CACHD1: variants seen among roughly 807,000 people sequenced by gnomAD.
CACHD1 encodes the protein VWFA and cache domain-containing protein 1.
CACHD1 carries 71 observed loss-of-function variants against 138.7 expected under a neutral mutation model. That is an observed-to-expected ratio of 0.51 (90% confidence interval 0.42 to 0.62). CACHD1 has a LOEUF of 0.62. Ranked by LOEUF, CACHD1 falls within the 20% of genes least tolerant of loss-of-function variation. The probability of loss-of-function intolerance (pLI) is 0.00; values close to 1 mark genes in which losing one functional copy is unlikely to be tolerated. For missense variants in CACHD1, 1,389 were observed against 1,625.3 expected (o/e 0.85, Z 2.50); for synonymous variants, 578 against 591.5 (o/e 0.98, Z 0.33).
chr1:64,499,718 T>A (rs1029357645), intron 1 of CACHD1, among the ~76,000 whole-genome samples: 3 of 152,268 alleles, frequency 2.0e-5, no homozygotes, highest in Admixed American at 6.5e-5. Context: ...TTTCTACAGA[T>A]AACTTGAAAT....
At chr1:64,645,623 T>G (rs868293293) in intron 8 of CACHD1, among the ~76,000 whole-genome samples, 2 of 152,232 alleles carry the variant, frequency 1.3e-5, no homozygotes, top group Middle Eastern at 6.8e-3. Flanking sequence ...GGTTGGGGCC[T>G]GCTGGGAAGT....
chr1:64,476,765 T>C (rs1646176600), intron 1 of CACHD1, among the ~76,000 whole-genome samples: 1 of 152,206 alleles, frequency 6.6e-6, no homozygotes, highest in East Asian at 1.9e-4. Context: ...TATTATGTTT[T>C]TCCTGCCAAT....
At chr1:64,487,101 A>T (rs1646247287) in intron 1 of CACHD1, among the ~76,000 whole-genome samples, 1 of 152,186 alleles carries the variant, frequency 6.6e-6, no homozygotes, top group Non-Finnish European at 1.5e-5. Context: ...ATGAGCGAGG[A>T]TAGGATCACT....
intron 2 of CACHD1, among the ~76,000 whole-genome samples, chr1:64,574,626 C>T (rs1033800477): frequency 3.3e-5 from 5 of 152,152 alleles, no homozygotes; most frequent in Non-Finnish European, 7.3e-5. Context: ...CAATAATAAC[C>T]ATTACAATAA....
intron 1 of CACHD1, among the ~76,000 whole-genome samples, chr1:64,548,050 A>G (rs1357944203): frequency 1.3e-5 from 2 of 152,268 alleles, no homozygotes; most frequent in Non-Finnish European, 2.9e-5. Context: ...AGATAAAAGT[A>G]TTAGTAATCA....
At chr1:64,479,611 A>G (rs1156626795) in intron 1 of CACHD1, among the ~76,000 whole-genome samples, 2 of 152,108 alleles carry the variant, frequency 1.3e-5, no homozygotes, top group Non-Finnish European at 2.9e-5. Flanking sequence ...CATGTCAGTA[A>G]AGACTTGTTC....
chr1:64,517,014 G>C (rs1415477429), intron 1 of CACHD1, among the ~76,000 whole-genome samples: 1 of 152,200 alleles, frequency 6.6e-6, no homozygotes, highest in African/African-American at 2.4e-5. Flanking sequence ...GTTTTGTCAT[G>C]TAAATTGGGG....
chr1:64,691,065 T>C (rs1385707618), intron 26 of CACHD1, among the ~76,000 whole-genome samples: 1 of 152,162 alleles, frequency 6.6e-6, no homozygotes, highest in African/African-American at 2.4e-5. Context: ...TGTTTATTTT[T>C]TTTTTCTCCT....
At chr1:64,586,610 G>A (rs1430841919) in intron 3 of CACHD1, among the ~76,000 whole-genome samples, 9 of 152,066 alleles carry the variant, frequency 5.9e-5, no homozygotes, top group Non-Finnish European at 1.3e-4. Context: ...AGTGAGATGA[G>A]GATAATGAGA....
chr1:64,593,303 A>G lies in CACHD1; in HGVS notation c.411-9503A>G, dbSNP rs577893343. 3.9e-5 allele frequency among the ~76,000 whole-genome samples: 6 copies of G among 152,350 alleles called. No individual in the cohort carries two copies. The South Asian group carries it at 1.0e-3, about 26-fold the overall frequency. On this transcript the variant is annotated intron_variant, in intron 3 of 26. Coordinates refer to ENST00000651257, the MANE Select transcript of CACHD1 (RefSeq NM_020925.4). ...ACAGTTTTGTGTAGAATGATGTTTC[A>G]AGACATACAGCTGACCCATAAGTTG...
intron 1 of CACHD1, among the ~76,000 whole-genome samples, chr1:64,487,163 GGT>G (rs1475801834): frequency 6.6e-6 from 1 of 152,134 alleles, no homozygotes; most frequent in Non-Finnish European, 1.5e-5. Context: ...GCCACTGGAG[GGT>G]TTTAGGCACA....
At chr1:64,593,465 T>A (rs1647124343) in intron 3 of CACHD1, among the ~76,000 whole-genome samples, 1 of 152,230 alleles carries the variant, frequency 6.6e-6, no homozygotes, top group Admixed American at 6.5e-5. Context: ...ACTTAGGTGC[T>A]TATAACTTTT....
intron 4 of CACHD1, among the ~76,000 whole-genome samples, chr1:64,614,073 A>G (rs1051058085): frequency 6.6e-6 from 1 of 152,198 alleles, no homozygotes; most frequent in African/African-American, 2.4e-5. Flanking sequence ...TCCGCTCAGT[A>G]CTTCTCCAGG....
intron 3 of CACHD1, among the ~76,000 whole-genome samples, chr1:64,592,653 A>G (rs562958858): frequency 2.0e-4 from 31 of 152,252 alleles, no homozygotes; most frequent in Middle Eastern, 6.8e-3. Context: ...GAGAAACACC[A>G]TGGTGGGCTT....
chr1:64,664,585 A>G lies in CACHD1; in HGVS notation c.2182A>G (p.Ile728Val), dbSNP rs756771008. 1.3e-5 allele frequency: 21 copies of G among 1,614,194 alleles called. No homozygotes were observed. The South Asian group carries it at 2.1e-4, about 16-fold the overall frequency. Residue 728 changes from isoleucine (I) to valine (V), a missense_variant, in exon 15 of 27, where the codon ATT (isoleucine) becomes GTT (valine). Physicochemically the swap from Ile to Val is conservative, Grantham distance 29. This residue lies in a region of CACHD1 where 1,000 missense variants were observed against 1,114.7 expected (regional missense o/e 0.90). Transcript: ENST00000651257. ...QMEMSSLNTY[I>V]VRRYIATPNG... Reference sequence around the variant, plus strand: ...GGAAATGAGTAGCCTGAACACTTACATTGTCCGCCGTTACATAGCAACACC... The same window carrying G: ...GGAAATGAGTAGCCTGAACACTTACGTTGTCCGCCGTTACATAGCAACACC...
At chr1:64,484,056 C>T (rs1233488883) in intron 1 of CACHD1, among the ~76,000 whole-genome samples, 1 of 152,062 alleles carries the variant, frequency 6.6e-6, no homozygotes, top group African/African-American at 2.4e-5. Context: ...TCGTCATGCC[C>T]CCTAACCTCT....
At chr1:64,486,345 C>T (rs1048690548) in intron 1 of CACHD1, among the ~76,000 whole-genome samples, 2 of 98,186 alleles carry the variant, frequency 2.0e-5, no homozygotes, top group Admixed American at 1.3e-4. Context: ...GTTTTGAGAG[C>T]GCGCGCACAC....
At chr1:64,596,448 T>G (rs1647152577) in intron 3 of CACHD1, among the ~76,000 whole-genome samples, 1 of 152,230 alleles carries the variant, frequency 6.6e-6, no homozygotes, top group Non-Finnish European at 1.5e-5. Flanking sequence ...AGGCTGTTAC[T>G]AGGGCCCAGG....
chr1:64,568,677 C>G (rs1364382175), intron 2 of CACHD1, among the ~76,000 whole-genome samples: 1 of 152,056 alleles, frequency 6.6e-6, no homozygotes, highest in Non-Finnish European at 1.5e-5. Context: ...AATTTCTGTA[C>G]TAAATATAGA....
Sources: allele counts gnomAD v4.1 joint callset (sites outside exome capture counted in the v4.1 genomes callset), GRCh38; gene constraint gnomAD v4.1.1; regional missense constraint gnomAD v4.1.1; transcripts MANE v1.5; gene names NCBI Gene and HGNC (gene_info 2026-07-23, HGNC 2026-07-21).